Variants in GULP1 observed in about 807,000 individuals in gnomAD.
GULP1 encodes the protein GULP PTB domain containing engulfment adaptor 1, also known as PTB domain-containing engulfment adapter protein 1.
A neutral mutation model predicts 40.9 loss-of-function variants in GULP1; 19 were observed. The ratio of observed to expected loss-of-function variants is 0.46; its 90% CI spans 0.32 to 0.68. The LOEUF is 0.68. Ranked by LOEUF, GULP1 falls within the 30% of genes least tolerant of loss-of-function variation. GULP1 has a pLI of 0.03. For missense variants in GULP1, 312 were observed against 362.2 expected, an observed-to-expected ratio of 0.86 and a Z score of 1.12; for synonymous variants, 119 against 117.6, an observed-to-expected ratio of 1.01 and a Z score of -0.08.
intron 4 of GULP1, among the ~76,000 whole-genome samples, chr2:188,501,298 C>T (rs1374681541): frequency 6.6e-6 from 1 of 151,696 alleles, no homozygotes; most frequent in African/African-American, 2.4e-5. Flanking sequence ...ACACTTTCCT[C>T]TCTCTCTCGT....
At chr2:188,402,631 G>A (rs1404330195) in intron 2 of GULP1, among the ~76,000 whole-genome samples, 1 of 151,976 alleles carries the variant, frequency 6.6e-6, no homozygotes, top group Non-Finnish European at 1.5e-5. Flanking sequence ...TGCTGGGAAT[G>A]TTTAAATGAC....
intron 1 of GULP1, among the ~76,000 whole-genome samples, chr2:188,342,408 G>GACACT: frequency 6.6e-6 from 1 of 152,024 alleles, no homozygotes; most frequent in Non-Finnish European, 1.5e-5. Context: ...CTTTTATAAG[G>GACACT]ACACTGATCA....
chr2:188,429,998 C>T (rs2056678418), intron 2 of GULP1, among the ~76,000 whole-genome samples: 1 of 152,056 alleles, frequency 6.6e-6, no homozygotes, highest in South Asian at 2.1e-4. Flanking sequence ...GGAGTTTTTT[C>T]CTTAAGTGGA....
At chr2:188,352,933 A>G (rs986747029) in intron 1 of GULP1, among the ~76,000 whole-genome samples, 2 of 152,098 alleles carry the variant, frequency 1.3e-5, no homozygotes, top group Non-Finnish European at 2.9e-5. Context: ...ATATTTATAT[A>G]TTTATAATAT....
intron 2 of GULP1, among the ~76,000 whole-genome samples, chr2:188,425,369 T>A (rs1265203989): frequency 6.6e-6 from 1 of 152,180 alleles, no homozygotes; most frequent in Non-Finnish European, 1.5e-5. Context: ...GTTACTCTTC[T>A]CATTTTAATT....
chr2:188,342,567 C>G (rs901736673), intron 1 of GULP1, among the ~76,000 whole-genome samples: 18 of 152,012 alleles, frequency 1.2e-4, no homozygotes, highest in African/African-American at 3.4e-4. Flanking sequence ...TTTTGGGGAC[C>G]ACTATTTTTA....
chr2:188,333,351 T>C (rs1042982511), intron 1 of GULP1, among the ~76,000 whole-genome samples: 3 of 152,086 alleles, frequency 2.0e-5, no homozygotes, highest in Admixed American at 6.6e-5. Context: ...GCAAGCGTTA[T>C]TAAGGGGTTG....
At chr2:188,539,718 C>T (rs1343167051) in intron 6 of GULP1, among the ~76,000 whole-genome samples, 9 of 152,108 alleles carry the variant, frequency 5.9e-5, no homozygotes, top group African/African-American at 1.9e-4. Flanking sequence ...GAATGCTTTG[C>T]TATGGACAGT....
chr2:188,395,525 G>C (rs916241373), intron 2 of GULP1, among the ~76,000 whole-genome samples: 2 of 152,120 alleles, frequency 1.3e-5, no homozygotes, highest in African/African-American at 4.8e-5. Context: ...CCTGACTGTT[G>C]GCATGGAGCT....
chr2:188,310,548 G>A (rs1037149264), intron 1 of GULP1, among the ~76,000 whole-genome samples: 4 of 152,108 alleles, frequency 2.6e-5, no homozygotes, highest in Admixed American at 2.0e-4. Context: ...GAATGTGATT[G>A]GAAGAAAAAA....
intron 2 of GULP1, among the ~76,000 whole-genome samples, chr2:188,411,321 G>T (rs1195564598): frequency 1.3e-5 from 2 of 152,176 alleles, no homozygotes; most frequent in Non-Finnish European, 2.9e-5. Context: ...CCTGGATATG[G>T]TGCCATATCG....
chr2:188,340,753 G>T (rs1397352121), intron 1 of GULP1, among the ~76,000 whole-genome samples: 1 of 152,110 alleles, frequency 6.6e-6, no homozygotes, highest in African/African-American at 2.4e-5. Flanking sequence ...TCGCACAAAC[G>T]AATTGAAGGG....
chr2:188,340,996 G>A (rs1028683842), intron 1 of GULP1, among the ~76,000 whole-genome samples: 2 of 152,098 alleles, frequency 1.3e-5, no homozygotes, highest in Admixed American at 6.5e-5. Flanking sequence ...GGAGCCTGGG[G>A]TTTTTATGGG....
chr2:188,399,914 A>C (rs922149623), intron 2 of GULP1, among the ~76,000 whole-genome samples: 1 of 152,172 alleles, frequency 6.6e-6, no homozygotes. Flanking sequence ...TGAGCATAAC[A>C]TTATAAACAA....
chr2:188,326,506 A>G (rs181308443), intron 1 of GULP1, among the ~76,000 whole-genome samples: 1 of 152,238 alleles, frequency 6.6e-6, no homozygotes, highest in East Asian at 1.9e-4. Context: ...GGCACCGAGT[A>G]GCCCCCCAAC....
At chr2:188,465,145 G>A (rs2060010205) in intron 2 of GULP1, among the ~76,000 whole-genome samples, 1 of 152,054 alleles carries the variant, frequency 6.6e-6, no homozygotes, top group Admixed American at 6.5e-5. Flanking sequence ...AAGTCTCAGA[G>A]TCTCACTCAA....
intron 1 of GULP1, among the ~76,000 whole-genome samples, chr2:188,378,908 A>T (rs888749393): frequency 6.6e-6 from 1 of 152,176 alleles, no homozygotes; most frequent in African/African-American, 2.4e-5. Context: ...ACTGGGTAGA[A>T]GGTGTCTAAA....
chr2:188,351,875 C>T (rs1252657349), intron 1 of GULP1, among the ~76,000 whole-genome samples: 1 of 152,076 alleles, frequency 6.6e-6, no homozygotes, highest in Admixed American at 6.6e-5. Context: ...ATATTTACTC[C>T]ATTCCAAGCC....
intron 2 of GULP1, among the ~76,000 whole-genome samples, chr2:188,471,349 C>T (rs1242630783): frequency 1.3e-5 from 2 of 150,720 alleles, no homozygotes; most frequent in East Asian, 2.0e-4. Flanking sequence ...TGGAGAGTTT[C>T]GTCCATTTAT....
Sources: gnomAD v4.1 joint callset for allele counts (sites outside exome capture counted in the v4.1 genomes callset) on GRCh38, gnomAD v4.1.1 for gene constraint, MANE v1.5 for transcripts, NCBI Gene and HGNC (gene_info 2026-07-23, HGNC 2026-07-21) for gene names.